FNDC3A: variants seen among roughly 807,000 people sequenced by gnomAD.
FNDC3A encodes the protein fibronectin type III domain containing 3A, also known as fibronectin type-III domain-containing protein 3A.
In FNDC3A, 32 loss-of-function variants were observed where a neutral mutation model predicts 148.9. The ratio of observed to expected loss-of-function variants is 0.21; its 90% CI spans 0.16 to 0.29. The LOEUF (loss-of-function observed/expected upper bound fraction) is 0.29. Among genes scored for constraint, FNDC3A ranks in the 10% least tolerant of loss-of-function variants. The probability of loss-of-function intolerance (pLI) is 1.00; values close to 1 mark genes in which losing one functional copy is unlikely to be tolerated. For synonymous variants in FNDC3A, 472 were observed against 473.6 expected (o/e 1.00, Z 0.04); for missense variants, 1,191 against 1,452.8 (o/e 0.82, Z 2.93).
intron 16 of FNDC3A, chr13:49,187,668 C>T (rs759842182): frequency 1.0e-5 from 16 of 1,587,304 alleles, no homozygotes; most frequent in Non-Finnish European, 1.4e-5. Context: ...TCTGGCCCAA[C>T]GTAGCGCTGC....
At chr13:49,193,316 A>G (rs1325077167) in intron 19 of FNDC3A, among the ~76,000 whole-genome samples, 14 of 152,178 alleles carry the variant, frequency 9.2e-5, no homozygotes, top group Admixed American at 9.2e-4. Flanking sequence ...GCTGGAGAGC[A>G]GGGGTATGAT....
chr13:49,110,240 CAGGTCACGTGATGACTG>C (rs1484235826), intron 3 of FNDC3A: 3 of 931,762 alleles, frequency 3.2e-6, no homozygotes, highest in Non-Finnish European at 4.6e-6. Context: ...TGGGTCACTG[CAGGTCACGTGATGACTG>C]TCACGTGACT....
intron 19 of FNDC3A, among the ~76,000 whole-genome samples, chr13:49,196,440 A>C (rs529259157): frequency 6.6e-6 from 1 of 152,244 alleles, no homozygotes; most frequent in Non-Finnish European, 1.5e-5. Flanking sequence ...AATTTATAGA[A>C]CAGAATGTTG....
At chr13:49,168,841 A>T in intron 10 of FNDC3A, 90 bp downstream of exon 10, 4 of 1,225,196 alleles carry the variant, frequency 3.3e-6, no homozygotes, top group Non-Finnish European at 4.7e-6. Context: ...CTGGAGACAA[A>T]GAGCTTTAAT....
chr13:49,031,937 TCTTA>T (rs1874150302), intron 2 of FNDC3A, among the ~76,000 whole-genome samples: 1 of 152,304 alleles, frequency 6.6e-6, no homozygotes, highest in East Asian at 1.9e-4. Flanking sequence ...TGTGAAGAAC[TCTTA>T]CTTCTTCTAA....
chr13:49,039,357 A>G (rs909381355), intron 2 of FNDC3A, among the ~76,000 whole-genome samples: 6 of 152,156 alleles, frequency 3.9e-5, no homozygotes, highest in African/African-American at 1.4e-4. Flanking sequence ...ACTTTTCCCA[A>G]GCTGTAGGCT....
intron 15 of FNDC3A, among the ~76,000 whole-genome samples, chr13:49,186,351 A>G (rs1885570546): frequency 6.6e-6 from 1 of 152,188 alleles, no homozygotes; most frequent in Admixed American, 6.5e-5. Flanking sequence ...GCACTGTGAA[A>G]TGAAGGATTA....
intron 2 of FNDC3A, among the ~76,000 whole-genome samples, chr13:49,047,028 A>G (rs946195443): frequency 1.3e-5 from 2 of 151,754 alleles, no homozygotes; most frequent in Admixed American, 6.6e-5. Flanking sequence ...CTGAGTCCCC[A>G]AAATCCAATA....
At chr13:48,992,019 G>A (rs1487496286) in intron 1 of FNDC3A, among the ~76,000 whole-genome samples, 2 of 152,186 alleles carry the variant, frequency 1.3e-5, no homozygotes, top group Non-Finnish European at 2.9e-5. Context: ...TGCTTGTATG[G>A]ATACTTGATG....
intron 16 of FNDC3A, among the ~76,000 whole-genome samples, chr13:49,187,962 A>T (rs1363566505): frequency 6.6e-6 from 1 of 152,136 alleles, no homozygotes; most frequent in Non-Finnish European, 1.5e-5. Context: ...GAATCTTCTG[A>T]AGGTTAGTTT....
chr13:49,186,528 CAGTGATATTTATA>C (rs1188430152), intron 15 of FNDC3A, among the ~76,000 whole-genome samples: 1 of 152,226 alleles, frequency 6.6e-6, no homozygotes, highest in East Asian at 1.9e-4. Flanking sequence ...AAAAATGCTT[CAGTGATATTTATA>C]ATATTCAAAA....
Position 49,207,604 on chromosome 13 carries a change from T to G in FNDC3A, c.*209T>G. ...CACAAAAATATCAATTTTGTTTTTT[T>G]TGTTAGGGTGGGTCTTCTTTTTTTC... is the stretch of plus-strand genomic sequence containing the variant. On this transcript the variant is annotated 3_prime_UTR_variant, in exon 26 of 26. Coordinates refer to ENST00000492622, the MANE Select transcript of FNDC3A (RefSeq NM_001079673.2). The G allele has an allele frequency of 4.5e-6, 2 of 442,668 alleles. No homozygotes were observed. Among genetic ancestry groups the G allele is most frequent in the Non-Finnish European group, 8.0e-6 (2 of 250,222 alleles). The allele number at this position is 442,668 out of a possible 1,614,324, so 27.4% of individuals were successfully genotyped here.
intron 3 of FNDC3A, among the ~76,000 whole-genome samples, chr13:49,093,220 AG>A (rs1879302121): frequency 3.3e-5 from 5 of 152,172 alleles, no homozygotes; most frequent in Non-Finnish European, 7.3e-5. Flanking sequence ...TCCTCCCCGT[AG>A]CACTTACAAC....
At chr13:49,020,217 C>G (rs1463629173) in intron 2 of FNDC3A, among the ~76,000 whole-genome samples, 1 of 151,678 alleles carries the variant, frequency 6.6e-6, no homozygotes, top group Non-Finnish European at 1.5e-5. Flanking sequence ...GAGAGTGAAG[C>G]TAGGGAAGGA....
At chr13:49,052,255 C>A (rs1433880401) in intron 2 of FNDC3A, among the ~76,000 whole-genome samples, 1 of 152,102 alleles carries the variant, frequency 6.6e-6, no homozygotes, top group Non-Finnish European at 1.5e-5. Flanking sequence ...GTTAAAGAAT[C>A]TTGTTTTGTC....
At chr13:48,988,898 A>C (rs1325466189) in intron 1 of FNDC3A, among the ~76,000 whole-genome samples, 2 of 152,070 alleles carry the variant, frequency 1.3e-5, no homozygotes, top group African/African-American at 4.8e-5. Context: ...AGTTAAAGCT[A>C]TCAGACATGA....
chr13:49,186,925 A>G (rs990276691), intron 15 of FNDC3A, among the ~76,000 whole-genome samples, 197 bp from the exon 16 acceptor site: 6 of 152,202 alleles, frequency 3.9e-5, no homozygotes, highest in African/African-American at 1.4e-4. Context: ...AAATTGTTAT[A>G]GAGAGCCATA....
At chr13:49,048,173 C>T (rs902869347) in intron 2 of FNDC3A, among the ~76,000 whole-genome samples, 1 of 152,076 alleles carries the variant, frequency 6.6e-6, no homozygotes, top group Non-Finnish European at 1.5e-5. Flanking sequence ...ATACCAGTAC[C>T]ATGCTGTTTT....
At position 49,208,948 on chromosome 13, in the gene FNDC3A, T is replaced by C. The variant is rs990035151; in HGVS notation, c.*1553T>C. 5 of 152,632 alleles carry C rather than the reference T, an allele frequency of 3.3e-5. No homozygotes were observed. The highest frequency in any genetic ancestry group is 1.2e-4 in the African/African-American group (5 of 41,454). The allele number at this position is 152,632 out of a possible 1,614,324, so 9.5% of individuals were successfully genotyped here. ...ATGGGCATGTATTGTAACAGTTTTA[T>C]GTCAAATGATCTGTGCTGTAGAAAA... On this transcript the variant is annotated 3_prime_UTR_variant, in exon 26 of 26. Transcript: ENST00000492622.
Sources: allele counts gnomAD v4.1 joint callset (sites outside exome capture counted in the v4.1 genomes callset), GRCh38; gene constraint gnomAD v4.1.1; transcripts MANE v1.5; gene names NCBI Gene and HGNC (gene_info 2026-07-23, HGNC 2026-07-21).